ETV1: variants seen among roughly 807,000 people sequenced by gnomAD.
ETV1 encodes the protein ETS variant transcription factor 1.
Under a neutral mutation model 62.3 loss-of-function variants are expected in ETV1, and 27 were observed. That is an observed-to-expected ratio of 0.43 (90% CI 0.32 to 0.60). The LOEUF (loss-of-function observed/expected upper bound fraction) is 0.60, where lower values mean the gene tolerates loss of function less well. ETV1 is among the 20% of genes least tolerant of loss of function. The pLI is 0.06. For missense variants in ETV1, 605 were observed against 605.8 expected (o/e 1.00, Z 0.01); for synonymous variants, 222 against 199.6 (o/e 1.11, Z -0.94).
chr7:13,986,547 T>C (rs995332083), intron 5 of ETV1, 91 bp downstream of exon 5: 2 of 1,584,638 alleles, frequency 1.3e-6, no homozygotes, highest in Non-Finnish European at 1.7e-6. Context: ...CTCAATTAAT[T>C]GGGCTGAATA....
chr7:13,935,430 T>A (rs1786689673), intron 8 of ETV1, among the ~76,000 whole-genome samples: 1 of 152,182 alleles, frequency 6.6e-6, no homozygotes, highest in African/African-American at 2.4e-5. Flanking sequence ...AGCAATTTAA[T>A]TCAAGCAAAG....
At chr7:13,932,115 G>T (rs17136421) in intron 8 of ETV1, among the ~76,000 whole-genome samples, 3,623 of 151,572 alleles carry the variant, frequency 0.024, 114 homozygotes, top group African/African-American at 0.078. Flanking sequence ...ATTGGATCAC[G>T]GATAATTTCC....
Position 13,891,557 on chromosome 7 carries a change from G to A in ETV1, c.*4309C>T, listed in dbSNP as rs9785000. ...TCTAATCAAATTCTCCTCTTAAACT[G>A]TACTTTCCATAAACTGTTTTTTTTT... On this transcript the variant is annotated 3_prime_UTR_variant, in exon 14 of 14. Coordinates refer to ENST00000430479, the MANE Select transcript of ETV1 (RefSeq NM_004956.5). 180,861 of 231,146 alleles carry A rather than the reference G, an allele frequency of 0.78. 71,150 individuals are homozygous for A. The highest frequency in any genetic ancestry group is 0.89 in the African/African-American group (40,273 of 45,320). The allele number at this position is 231,146 out of a possible 1,614,324, so 14.3% of individuals were successfully genotyped here. A position where few individuals can be genotyped will look rare whatever the true frequency, so the allele number is the denominator to read the frequency against.
intron 4 of ETV1, chr7:13,987,033 T>C (rs1344602886): frequency 9.5e-6 from 2 of 210,058 alleles, no homozygotes; most frequent in Non-Finnish European, 1.8e-5. Context: ...CTTAAATATA[T>C]TTAACTCTTG....
chr7:13,923,302 G>T (rs1191797938), intron 9 of ETV1, among the ~76,000 whole-genome samples: 1 of 152,092 alleles, frequency 6.6e-6, no homozygotes, highest in Non-Finnish European at 1.5e-5. Flanking sequence ...ACTACTACAG[G>T]CAGCATTAGG....
At position 13,909,683 on chromosome 7, in the gene ETV1, C is replaced by T; in HGVS notation, c.889G>A (p.Gly297Ser). ...SRTEGCMFEK[G>S]PRQFYDDTCV... is the part of the protein sequence containing the mutation. ...GTGTCATCATAAAACTGCCTGGGGC[C>T]CTTTTCAAACATACAGCCTGTGGAT... is the stretch of plus-strand genomic sequence containing the variant. The change falls in exon 11 of 14, where the codon GGC (glycine) becomes AGC (serine). Residue 297 changes from glycine (G) to serine (S), a missense_variant. Transcript: ENST00000430479. 2.5e-6 allele frequency: 4 copies of T among 1,612,944 alleles called. No homozygotes were observed. Among genetic ancestry groups the T allele is most frequent in the Non-Finnish European group, 3.4e-6 (4 of 1,179,158 alleles).
rs574245797 is a variant in ETV1, at chr7:13,934,138, A to C, written c.554+1570T>G. On this transcript the variant is annotated intron_variant, in intron 8 of 13. Coordinates refer to ENST00000430479, the MANE Select transcript of ETV1 (RefSeq NM_004956.5). ...CATCTGTTTAATGGCCCACCCTGCA[A>C]TAAGAATTCTTTCATCTGTATTTAC... Among the ~76,000 whole-genome samples the C allele has an allele frequency of 5.3e-5, 8 of 152,312 alleles. No homozygotes were observed. In the East Asian group the frequency reaches 1.5e-3, roughly 29 times the overall value.
At chr7:13,947,697 C>A (rs1788335988) in intron 6 of ETV1, among the ~76,000 whole-genome samples, 1 of 152,198 alleles carries the variant, frequency 6.6e-6, no homozygotes, top group Non-Finnish European at 1.5e-5. Context: ...CATGCATGAG[C>A]ACCACTATCA....
intron 11 of ETV1, among the ~76,000 whole-genome samples, 195 bp from the exon 12 acceptor site, chr7:13,906,794 C>G (rs368080348): frequency 1.3e-5 from 2 of 152,172 alleles, no homozygotes; most frequent in East Asian, 1.9e-4. Flanking sequence ...GCTGTACGAA[C>G]TTACAGATAA....
At chr7:13,970,055 G>A (rs1780715572) in intron 6 of ETV1, among the ~76,000 whole-genome samples, 2 of 151,684 alleles carry the variant, frequency 1.3e-5, no homozygotes, top group South Asian at 4.2e-4. Context: ...AGGAGATGGA[G>A]ACCATACTGG....
intron 3 of ETV1, 114 bp downstream of exon 3, chr7:13,988,894 C>G: frequency 6.5e-7 from 1 of 1,540,878 alleles, no homozygotes; most frequent in Non-Finnish European, 8.9e-7. Flanking sequence ...GGCAACAAAG[C>G]AGATAAGTAT....
intron 6 of ETV1, among the ~76,000 whole-genome samples, chr7:13,953,068 C>A (rs911461739): frequency 1.3e-5 from 2 of 152,192 alleles, no homozygotes; most frequent in Non-Finnish European, 2.9e-5. Context: ...GGCTTCAAAT[C>A]AGATCGTCCT....
chr7:13,943,109 T>C (rs1266852462), intron 6 of ETV1, among the ~76,000 whole-genome samples: 1 of 152,044 alleles, frequency 6.6e-6, no homozygotes, highest in East Asian at 1.9e-4. Flanking sequence ...AAAATAAGAA[T>C]TGCAAAATAT....
chr7:13,973,480 T>C (rs1301236855), intron 6 of ETV1, among the ~76,000 whole-genome samples: 3 of 152,228 alleles, frequency 2.0e-5, no homozygotes, highest in African/African-American at 7.2e-5. Flanking sequence ...GATAAACTTC[T>C]GCATCCAGAA....
intron 9 of ETV1, among the ~76,000 whole-genome samples, chr7:13,930,660 C>T (rs1161071246): frequency 3.3e-5 from 5 of 152,058 alleles, no homozygotes; most frequent in East Asian, 1.9e-4. Flanking sequence ...ACCCCACTCC[C>T]CCACTTGACC....
chr7:13,931,633 G>A lies in ETV1; in HGVS notation c.671C>T (p.Pro224Leu), dbSNP rs746914419. Residue 224 changes from proline to leucine, a missense_variant, in exon 9 of 14, where the codon CCA (proline) becomes CTA (leucine). Physicochemically the swap from Pro to Leu is moderately conservative, Grantham distance 98 (BLOSUM62 -3). Transcript: ENST00000430479. ...GTGGTACTCCTGCTTAAAGCCTTGT[G>A]GTGGGAAGGGGATGTTTGGCTCAGA... ...QMSEPNIPFP[P>L]QGFKQEYHDP... 6.2e-7 allele frequency: 1 copy of A among 1,614,022 alleles called. No individual in the cohort carries two copies. Among genetic ancestry groups the A allele is most frequent in the South Asian group, 1.1e-5 (1 of 91,078 alleles).
chr7:13,991,389 T>A (rs967216220), upstream of ETV1: 1 of 152,208 alleles, frequency 6.6e-6, no homozygotes, highest in African/African-American at 2.4e-5. Flanking sequence ...GAGCTTCGGG[T>A]TAGGTCCCGG....
At chr7:13,912,887 T>C (rs947368577) in intron 9 of ETV1, among the ~76,000 whole-genome samples, 2 of 152,238 alleles carry the variant, frequency 1.3e-5, no homozygotes, top group African/African-American at 4.8e-5. Flanking sequence ...AATCAAATTG[T>C]AGAAACATTT....
At chr7:13,904,687 A>G (rs539220123) in intron 12 of ETV1, among the ~76,000 whole-genome samples, 1 of 152,180 alleles carries the variant, frequency 6.6e-6, no homozygotes, top group African/African-American at 2.4e-5. Context: ...AACTGATACA[A>G]ATCCCTGTAG....
Sources: allele counts gnomAD v4.1 joint callset (sites outside exome capture counted in the v4.1 genomes callset), GRCh38; gene constraint gnomAD v4.1.1; transcripts MANE v1.5; gene names NCBI Gene and HGNC (gene_info 2026-07-23, HGNC 2026-07-21).